The following LRFN5 variants were observed in gnomAD, a reference collection of about 807,000 sequenced individuals.
The protein encoded by LRFN5 is leucine rich repeat and fibronectin type III domain containing 5.
LRFN5 carries 24 observed loss-of-function variants against 45.6 expected under a neutral mutation model. The observed-to-expected ratio is 0.53, with a 90% CI of 0.38 to 0.74. The LOEUF (loss-of-function observed/expected upper bound fraction) is 0.74. Among genes scored for constraint, LRFN5 ranks in the 30% least tolerant of loss-of-function variants. LRFN5 has a pLI of 0.00. For missense variants in LRFN5, 776 were observed against 861.5 expected (o/e 0.90, Z 1.24); for synonymous variants, 340 against 313.8 (o/e 1.08, Z -0.88).
intron 1 of LRFN5, among the ~76,000 whole-genome samples, chr14:41,749,049 ATATGTTT>A (rs1885028633): frequency 6.6e-6 from 1 of 152,076 alleles, no homozygotes; most frequent in Admixed American, 6.6e-5. Context: ...TGGCAAACTC[ATATGTTT>A]TATAATGAAC....
chr14:41,716,239 G>A (rs537386043), intron 1 of LRFN5, among the ~76,000 whole-genome samples: 153 of 152,244 alleles, frequency 1.0e-3, no homozygotes, highest in Non-Finnish European at 1.9e-3. Context: ...CCCTGGAGAC[G>A]TTTTTTCCAT....
intron 1 of LRFN5, among the ~76,000 whole-genome samples, chr14:41,738,707 T>A (rs1292814436): frequency 6.6e-6 from 1 of 152,210 alleles, no homozygotes; most frequent in Non-Finnish European, 1.5e-5. Context: ...GAGTCCAGAT[T>A]GCTCATCATT....
intron 1 of LRFN5, among the ~76,000 whole-genome samples, chr14:41,749,723 T>G (rs937172116): frequency 6.6e-6 from 1 of 152,090 alleles, no homozygotes; most frequent in East Asian, 1.9e-4. Context: ...GCTTAATACC[T>G]GGGTGATGAA....
At chr14:41,756,816 G>A (rs575821466) in intron 1 of LRFN5, among the ~76,000 whole-genome samples, 58 of 152,272 alleles carry the variant, frequency 3.8e-4, no homozygotes, top group African/African-American at 1.3e-3. Context: ...GCATTCCCTT[G>A]GAGGAGGAGA....
At chr14:41,814,281 G>C (rs1887841816) in intron 2 of LRFN5, among the ~76,000 whole-genome samples, 1 of 151,982 alleles carries the variant, frequency 6.6e-6, no homozygotes, top group Non-Finnish European at 1.5e-5. Flanking sequence ...CCAATGTTTA[G>C]AGCAACTTTT....
chr14:41,713,822 G>A (rs11846556), intron 1 of LRFN5, among the ~76,000 whole-genome samples: 77,290 of 151,820 alleles, frequency 0.51, 20,287 homozygotes, highest in East Asian at 0.94. Flanking sequence ...ATCTTTTAAA[G>A]TTGAGTGTGT....
At chr14:41,809,310 A>G (rs946379826) in intron 2 of LRFN5, among the ~76,000 whole-genome samples, 8 of 152,114 alleles carry the variant, frequency 5.3e-5, no homozygotes, top group African/African-American at 1.9e-4. Context: ...TGTTTTAAAA[A>G]GCAGTTTAAA....
chr14:41,856,740 G>C (rs1438595681), intron 2 of LRFN5, among the ~76,000 whole-genome samples: 7 of 126,486 alleles, frequency 5.5e-5, no homozygotes, highest in African/African-American at 1.2e-4. Flanking sequence ...GCTGTGGCGC[G>C]ATCTCCGCTC....
intron 2 of LRFN5, among the ~76,000 whole-genome samples, chr14:41,776,998 A>T (rs1886316656): frequency 6.6e-6 from 1 of 151,984 alleles, no homozygotes; most frequent in Non-Finnish European, 1.5e-5. Flanking sequence ...ACTGCCATAT[A>T]CAGTTTTCAT....
chr14:41,796,110 T>A (rs924126880), intron 2 of LRFN5, among the ~76,000 whole-genome samples: 1 of 151,926 alleles, frequency 6.6e-6, no homozygotes, highest in Admixed American at 6.6e-5. Flanking sequence ...AATAAAAAAA[T>A]AAATTTAAAC....
chr14:41,712,701 C>A (rs1399565752), intron 1 of LRFN5, among the ~76,000 whole-genome samples: 1 of 152,062 alleles, frequency 6.6e-6, no homozygotes, highest in African/African-American at 2.4e-5. Context: ...TTGCATAAGA[C>A]ATCTTAAAAC....
chr14:41,729,309 C>T (rs1030710986), intron 1 of LRFN5, among the ~76,000 whole-genome samples: 2 of 152,018 alleles, frequency 1.3e-5, no homozygotes, highest in Non-Finnish European at 2.9e-5. Flanking sequence ...ATTTCTCTCT[C>T]TTGCTCCCAT....
In LRFN5 at chr14:41,617,407, G is replaced by T. The variant is rs149245330; in HGVS notation, c.-197+8845G>T. Among the ~76,000 whole-genome samples the T allele has an allele frequency of 2.1e-3, 317 of 152,202 alleles. 1 individual carries two copies. Among genetic ancestry groups the T allele is most frequent in the African/African-American group, 7.4e-3 (308 of 41,544 alleles). ...TAAAATTAAAATCCAAACATTTTTG[G>T]TTCTAAAGAGGATGCTCTGTTGGCT... On this transcript the variant is annotated intron_variant, in intron 1 of 5. Coordinates refer to ENST00000298119, the MANE Select transcript of LRFN5 (RefSeq NM_152447.5).
At chr14:41,768,606 A>T (rs1885972036) in intron 2 of LRFN5, among the ~76,000 whole-genome samples, 1 of 152,152 alleles carries the variant, frequency 6.6e-6, no homozygotes, top group African/African-American at 2.4e-5. Flanking sequence ...GACAGAGGAC[A>T]CTGTCCAAGC....
chr14:41,703,043 G>A (rs2138728498), intron 1 of LRFN5, among the ~76,000 whole-genome samples: 1 of 152,084 alleles, frequency 6.6e-6, no homozygotes, highest in African/African-American at 2.4e-5. Context: ...AAATGAAAGA[G>A]GAATGAAATG....
At chr14:41,810,795 A>G (rs577228961) in intron 2 of LRFN5, among the ~76,000 whole-genome samples, 3 of 152,138 alleles carry the variant, frequency 2.0e-5, no homozygotes, top group African/African-American at 7.2e-5. Context: ...CAACCTGCCA[A>G]CCTTAATGCT....
rs547054351 is a variant in LRFN5 at position 41,822,677 on chromosome 14, AT to A, written c.-21+55651del. On this transcript the variant is annotated intron_variant, in intron 2 of 5. Transcript: ENST00000298119. ...TTAGGTTCATTTGGTCTAGCATCCA[AT>A]TTAAGTACTCTGTTTCCTTGTTAGT... is the stretch of plus-strand genomic sequence containing the variant. Among the ~76,000 whole-genome samples the A allele has an allele frequency of 3.0e-4, 45 of 152,046 alleles. 1 individual carries two copies. The South Asian group carries it at 3.3e-3, about 11-fold the overall frequency.
chr14:41,690,562 G>A (rs1277622655), intron 1 of LRFN5, among the ~76,000 whole-genome samples: 1 of 152,086 alleles, frequency 6.6e-6, no homozygotes, highest in African/African-American at 2.4e-5. Flanking sequence ...CTCAAAAAAA[G>A]TGAAAAGAAA....
intron 1 of LRFN5, among the ~76,000 whole-genome samples, chr14:41,622,418 G>A (rs895206631): frequency 3.3e-5 from 5 of 151,896 alleles, no homozygotes; most frequent in Non-Finnish European, 4.4e-5. Flanking sequence ...TGCAATATTT[G>A]TATAAGCTAA....
Sources: gnomAD v4.1 joint callset for allele counts (sites outside exome capture counted in the v4.1 genomes callset) on GRCh38, gnomAD v4.1.1 for gene constraint, MANE v1.5 for transcripts, NCBI Gene and HGNC (gene_info 2026-07-23, HGNC 2026-07-21) for gene names.